Variants in CDK8 observed in about 807,000 individuals in gnomAD.
CDK8 encodes the protein cyclin dependent kinase 8, also known as cyclin-dependent kinase 8.
Under a neutral mutation model 71.5 loss-of-function variants are expected in CDK8, and 29 were observed. The observed-to-expected ratio is 0.41, with a 90% confidence interval of 0.30 to 0.55. CDK8 has a LOEUF of 0.55. Ranked by LOEUF, CDK8 falls within the 20% of genes least tolerant of loss-of-function variation. The pLI is 0.37. For synonymous variants in CDK8, 161 were observed against 192.1 expected (o/e 0.84, Z 1.34); for missense variants, 288 against 572.6 (o/e 0.50, Z 5.07).
At chr13:26,291,013 G>A (rs1873270706) in intron 1 of CDK8, among the ~76,000 whole-genome samples, 1 of 151,882 alleles carries the variant, frequency 6.6e-6, no homozygotes, top group African/African-American at 2.4e-5. Context: ...CAGCTATTCG[G>A]GTGGTTGAGG....
At chr13:26,268,319 A>G (rs1872135165) in intron 1 of CDK8, among the ~76,000 whole-genome samples, 1 of 135,666 alleles carries the variant, frequency 7.4e-6, no homozygotes, top group South Asian at 2.4e-4. Context: ...AGTCCTGTGT[A>G]TGTTATTTTA....
intron 12 of CDK8, among the ~76,000 whole-genome samples, chr13:26,403,403 T>C (rs1482651345): frequency 6.6e-6 from 1 of 151,770 alleles, no homozygotes; most frequent in Non-Finnish European, 1.5e-5. Flanking sequence ...ATCCTAGCAA[T>C]GATTATACCA....
At chr13:26,343,986 A>C (rs1873355793) in intron 2 of CDK8, among the ~76,000 whole-genome samples, 1 of 152,014 alleles carries the variant, frequency 6.6e-6, no homozygotes. Context: ...TGTGGGAATG[A>C]TCTCATCACC....
chr13:26,374,129 A>C (rs1419210881), intron 4 of CDK8, among the ~76,000 whole-genome samples: 1 of 151,194 alleles, frequency 6.6e-6, no homozygotes, highest in African/African-American at 2.4e-5. Flanking sequence ...TGAACCTGGG[A>C]GGCGGAGCTT....
intron 1 of CDK8, among the ~76,000 whole-genome samples, chr13:26,287,058 AGTAAACCACTATG>A (rs1365565747): frequency 6.6e-6 from 1 of 152,140 alleles, no homozygotes; most frequent in Non-Finnish European, 1.5e-5. Flanking sequence ...CTGGTGGGAA[AGTAAACCACTATG>A]GAAAACAGTA....
At chr13:26,273,634 C>T (rs1872432204) in intron 1 of CDK8, among the ~76,000 whole-genome samples, 1 of 151,656 alleles carries the variant, frequency 6.6e-6, no homozygotes. Flanking sequence ...AAACATTAGC[C>T]ATCATATGTT....
chr13:26,311,816 C>T (rs1419878226), intron 1 of CDK8, among the ~76,000 whole-genome samples: 1 of 152,170 alleles, frequency 6.6e-6, no homozygotes, highest in Non-Finnish European at 1.5e-5. Context: ...GAACCAATCA[C>T]AGGCAAAAGA....
rs147290719 is a variant in CDK8 at position 26,374,043 on chromosome 13, A to AAAAAAAT, written c.457-8770_457-8769insAAAAATA. On this transcript the variant is annotated intron_variant, in intron 4 of 12. Coordinates refer to ENST00000381527, the MANE Select transcript of CDK8 (RefSeq NM_001260.3). Reference sequence around the variant, plus strand: ...AAAAAAAAAAAAAAAAAAAACAAAAAACAAAAAATTAGCTGGGCGTGGTGG... The same window carrying AAAAAAAT: ...AAAAAAAAAAAAAAAAAAAACAAAAAAAAAAATACAAAAAATTAGCTGGGCGTGGTGG... Among the ~76,000 whole-genome samples the AAAAAAAT allele has an allele frequency of 2.6e-4, 29 of 111,858 alleles. 11 individuals carry two copies. The highest frequency in any genetic ancestry group is 5.5e-4 in the Admixed American group (5 of 9,134). 73.4% of individuals were successfully genotyped at this position (111,858 alleles called of 152,430 possible).
chr13:26,345,624 C>G (rs1873432233), intron 2 of CDK8, among the ~76,000 whole-genome samples: 1 of 152,196 alleles, frequency 6.6e-6, no homozygotes, highest in African/African-American at 2.4e-5. Context: ...CCTCAATGAT[C>G]TGCCTGCCTC....
At chr13:26,255,525 A>T (rs1260470376) in intron 1 of CDK8, among the ~76,000 whole-genome samples, 1 of 152,152 alleles carries the variant, frequency 6.6e-6, no homozygotes, top group Non-Finnish European at 1.5e-5. Context: ...TAAACCTATG[A>T]CTGGTAATGC....
chr13:26,257,544 A>G (rs1030277731), intron 1 of CDK8, among the ~76,000 whole-genome samples: 1 of 152,190 alleles, frequency 6.6e-6, no homozygotes, highest in Non-Finnish European at 1.5e-5. Context: ...TGTCGCCGTA[A>G]ATGAGATAGT....
At chr13:26,303,824 T>C (rs1226764443) in intron 1 of CDK8, among the ~76,000 whole-genome samples, 1 of 152,234 alleles carries the variant, frequency 6.6e-6, no homozygotes, top group Non-Finnish European at 1.5e-5. Flanking sequence ...TTAGTTAAAA[T>C]GTTATCATCA....
chr13:26,359,954 G>T (rs1949193005), intron 4 of CDK8, among the ~76,000 whole-genome samples: 1 of 152,114 alleles, frequency 6.6e-6, no homozygotes, highest in Admixed American at 6.6e-5. Flanking sequence ...GACCTCAAGA[G>T]ATCTGCCCAC....
intron 1 of CDK8, among the ~76,000 whole-genome samples, chr13:26,287,714 A>G (rs994240697): frequency 3.3e-5 from 5 of 152,202 alleles, no homozygotes; most frequent in African/African-American, 9.7e-5. Flanking sequence ...CCTCAAAGCT[A>G]TTGAAGTAAA....
chr13:26,261,025 T>G (rs1871746549), intron 1 of CDK8, among the ~76,000 whole-genome samples: 1 of 152,228 alleles, frequency 6.6e-6, no homozygotes, highest in Admixed American at 6.5e-5. Flanking sequence ...CACACCAGAT[T>G]ACGTAGCCTT....
chr13:26,296,587 T>C (rs1873571922), intron 1 of CDK8, among the ~76,000 whole-genome samples: 1 of 152,210 alleles, frequency 6.6e-6, no homozygotes, highest in South Asian at 2.1e-4. Flanking sequence ...ATCAGTTTAC[T>C]AAGATAACGA....
chr13:26,275,432 G>C (rs1872524281), intron 1 of CDK8, among the ~76,000 whole-genome samples: 1 of 152,124 alleles, frequency 6.6e-6, no homozygotes, highest in Admixed American at 6.5e-5. Flanking sequence ...AAGCCTTGTA[G>C]TGTTTTTCAT....
intron 1 of CDK8, among the ~76,000 whole-genome samples, chr13:26,331,678 GTTT>G (rs1875322116): frequency 6.6e-6 from 1 of 152,124 alleles, no homozygotes; most frequent in African/African-American, 2.4e-5. Flanking sequence ...TTACTTATCT[GTTT>G]TTCTACCAAT....
At position 26,268,256 on chromosome 13, in the gene CDK8, A is replaced by AACACACACAC. The variant is rs3027999; in HGVS notation, c.128+13531_128+13540dup. Among the ~76,000 whole-genome samples the AACACACACAC allele has an allele frequency of 3.9e-3, 453 of 116,776 alleles. 12 individuals carry two copies. Among genetic ancestry groups the AACACACACAC allele is most frequent in the African/African-American group, 0.014 (390 of 28,228 alleles). 76.6% of individuals were successfully genotyped at this position (116,776 alleles called of 152,430 possible). On this transcript the variant is annotated intron_variant, in intron 1 of 12. Transcript: ENST00000381527. ...TGAAAGTTTTGCTCCCCCCTCCCCC[A>AACACACACAC]ACACACACACACACACACACACACA...
Sources: gnomAD v4.1 joint callset for allele counts (sites outside exome capture counted in the v4.1 genomes callset) on GRCh38, gnomAD v4.1.1 for gene constraint, MANE v1.5 for transcripts, NCBI Gene and HGNC (gene_info 2026-07-23, HGNC 2026-07-21) for gene names.